Variants in CFAP54 observed in about 807,000 individuals in gnomAD.
The protein encoded by CFAP54 is cilia and flagella associated protein 54, also known as cilia- and flagella-associated protein 54.
A neutral mutation model predicts 370.4 loss-of-function variants in CFAP54; 290 were observed. That is an observed-to-expected ratio of 0.78 (90% CI 0.71 to 0.86). CFAP54 has a LOEUF of 0.86. CFAP54 is among the 40% of genes least tolerant of loss of function. The probability of loss-of-function intolerance (pLI) is 0.00; values close to 1 mark genes in which losing one functional copy is unlikely to be tolerated. For synonymous variants in CFAP54, 1,206 were observed against 1,236.5 expected, an observed-to-expected ratio of 0.98 and a Z score of 0.52; for missense variants, 3,399 against 3,528.7, an observed-to-expected ratio of 0.96 and a Z score of 0.93.
intron 67 of CFAP54, among the ~76,000 whole-genome samples, chr12:96,871,104 A>T (rs994473603): frequency 2.4e-4 from 36 of 152,172 alleles, no homozygotes; most frequent in African/African-American, 8.2e-4. Flanking sequence ...GGAGCCCTAA[A>T]ATCTGTGCAC....
In CFAP54 at chr12:96,739,619, C is replaced by T. The variant is rs182669725; in HGVS notation, c.6966-337C>T. Among the ~76,000 whole-genome samples the T allele has an allele frequency of 9.9e-4, 150 of 152,168 alleles. 2 individuals are homozygous for T. Among genetic ancestry groups the T allele is most frequent in the Admixed American group, 1.4e-3 (21 of 15,286 alleles). ...ATTGCCAATACATTTTGTTTTGGAT[C>T]TTGGAAACGTCACTCCTTTATTCTT... On this transcript the variant is annotated intron_variant, in intron 50 of 67. Transcript: ENST00000524981.
intron 38 of CFAP54, among the ~76,000 whole-genome samples, chr12:96,659,373 A>G (rs1956964195): frequency 6.6e-6 from 1 of 152,084 alleles, no homozygotes; most frequent in South Asian, 2.1e-4. Context: ...ACCTCAAGTG[A>G]TCCTCCCACC....
intron 44 of CFAP54, among the ~76,000 whole-genome samples, chr12:96,691,943 T>C (rs1460146346): frequency 6.6e-6 from 1 of 152,148 alleles, no homozygotes; most frequent in Non-Finnish European, 1.5e-5. Flanking sequence ...CATTATTTCA[T>C]CTTTTTTCTT....
At chr12:96,806,748 A>G (rs896391250) in intron 63 of CFAP54, among the ~76,000 whole-genome samples, 9 of 152,290 alleles carry the variant, frequency 5.9e-5, no homozygotes, top group African/African-American at 2.2e-4. Flanking sequence ...CAGGTTGACC[A>G]TGCAATTAGC....
chr12:96,746,227 A>C (rs1201416485), intron 55 of CFAP54, among the ~76,000 whole-genome samples: 1 of 152,188 alleles, frequency 6.6e-6, no homozygotes, highest in Non-Finnish European at 1.5e-5. Context: ...ATTTTCAAAT[A>C]TCCACCAGTA....
intron 23 of CFAP54, among the ~76,000 whole-genome samples, chr12:96,592,043 A>G (rs953196262): frequency 6.6e-6 from 1 of 152,130 alleles, no homozygotes; most frequent in African/African-American, 2.4e-5. Context: ...TAGTGGCTAA[A>G]GATTCCATTT....
chr12:96,573,311 G>A (rs965245205), intron 19 of CFAP54, among the ~76,000 whole-genome samples: 2 of 152,158 alleles, frequency 1.3e-5, no homozygotes, highest in African/African-American at 2.4e-5. Context: ...ATATAATAGC[G>A]TTTTATCTCC....
intron 65 of CFAP54, among the ~76,000 whole-genome samples, chr12:96,827,976 AT>A (rs1959142351): frequency 3.6e-5 from 2 of 55,828 alleles, no homozygotes; most frequent in Non-Finnish European, 8.7e-5. Flanking sequence ...ATAGTAATAT[AT>A]TATATTATAT....
intron 67 of CFAP54, among the ~76,000 whole-genome samples, chr12:96,874,646 T>TTTTTG: frequency 9.6e-6 from 1 of 103,722 alleles, no homozygotes; most frequent in African/African-American, 3.7e-5. Flanking sequence ...TTTTTTTTTT[T>TTTTTG]TGAGACGGAG....
chr12:96,646,039 G>T (rs1378240795), intron 33 of CFAP54: 1 of 152,034 alleles, frequency 6.6e-6, no homozygotes, highest in African/African-American at 2.4e-5. Context: ...CATAGGCATG[G>T]GCAAGGACTT....
chr12:96,722,636 T>C (rs1957771311), intron 50 of CFAP54, among the ~76,000 whole-genome samples: 1 of 152,132 alleles, frequency 6.6e-6, no homozygotes, highest in Non-Finnish European at 1.5e-5. Context: ...CTGATTTTCA[T>C]TGTAAAGGGT....
At chr12:96,522,730 C>A (rs1376318342) in intron 8 of CFAP54, among the ~76,000 whole-genome samples, 1 of 152,190 alleles carries the variant, frequency 6.6e-6, no homozygotes, top group African/African-American at 2.4e-5. Flanking sequence ...CTCTGCCTTA[C>A]AAAAGCTGCT....
At position 96,489,732 on chromosome 12, in the gene CFAP54, C is replaced by T; in HGVS notation, c.123C>T (p.Ser41=). The T allele has an allele frequency of 6.5e-7, 1 of 1,536,120 alleles. No homozygotes were observed. Among genetic ancestry groups the T allele is most frequent in the South Asian group, 1.2e-5 (1 of 84,064 alleles). The change falls in exon 1 of 68, where the codon AGC becomes AGT. Residue 41 remains serine (S), a synonymous_variant. Coordinates refer to ENST00000524981, the MANE Select transcript of CFAP54 (RefSeq NM_001306084.2). ...GGTCGCCCCCAGAGTCGAAGGGGAGCTCCCGGAGCTCGCTGCTTCAGTGGA... is the reference window on the plus strand; with the variant it reads ...GGTCGCCCCCAGAGTCGAAGGGGAGTTCCCGGAGCTCGCTGCTTCAGTGGA... ...TSRSPPESKG[S]SRSSLLQWTC... is the part of the protein sequence containing the mutation.
chr12:96,679,546 C>G, intron 39 of CFAP54, 54 bp from the exon 40 acceptor site: 1 of 1,537,050 alleles, frequency 6.5e-7, no homozygotes, highest in South Asian at 1.3e-5. Flanking sequence ...CTGGCTCTTA[C>G]CTTGGCTTGG....
At position 96,522,112 on chromosome 12, in the gene CFAP54, G is replaced by C; in HGVS notation, c.1081G>C (p.Gly361Arg). 1 of 1,535,544 alleles carries C rather than the reference G, an allele frequency of 6.5e-7. No individual in the cohort carries two copies. Among genetic ancestry groups the C allele is most frequent in the Non-Finnish European group, 8.7e-7 (1 of 1,146,748 alleles). ...GATGGCAGTGATGATCTTCAAAAGA[G>C]GAGTCTTTGAATCTAGAAGAAAAAA... ...MKMAVMIFKR[G>R]VFESRRKNKA... The change falls in exon 8 of 68, where the codon GGA becomes CGA. Residue 361 changes from glycine to arginine, a missense_variant. Physicochemically the swap from Gly to Arg is moderately radical, Grantham distance 125. Around this residue, in one of 3 missense-constraint regions of CFAP54, gnomAD observed 559 missense variants for 576.7 expected, o/e 0.97. Coordinates refer to ENST00000524981, the MANE Select transcript of CFAP54 (RefSeq NM_001306084.2).
chr12:96,574,465 TA>T (rs1167634868), intron 19 of CFAP54, among the ~76,000 whole-genome samples: 3 of 152,134 alleles, frequency 2.0e-5, no homozygotes, highest in African/African-American at 7.2e-5. Flanking sequence ...CTCTTAGCAC[TA>T]AGAGTCCTAT....
Position 96,654,567 on chromosome 12 carries a change from C to T in CFAP54, c.5100+2752C>T, listed in dbSNP as rs534054773. Among the ~76,000 whole-genome samples, 5 of 151,880 alleles carry T rather than the reference C, an allele frequency of 3.3e-5. No homozygotes were observed. In the South Asian group the frequency reaches 8.3e-4, roughly 25 times the overall value. The stretch of plus-strand genomic sequence containing the variant: ...TTATATGCATACAATGGGTTGTGAT[C>T]AAGCCAGGGTATTCAGGGTGCCCAT... On this transcript the variant is annotated intron_variant, in intron 36 of 67. Coordinates refer to ENST00000524981, the MANE Select transcript of CFAP54 (RefSeq NM_001306084.2).
At position 96,720,485 on chromosome 12, in the gene CFAP54, C is replaced by T. The variant is rs754108382; in HGVS notation, c.6885C>T (p.Ser2295=). 3.4e-5 allele frequency: 55 copies of T among 1,604,212 alleles called. 1 individual carries two copies. In the South Asian group the frequency reaches 4.2e-4, roughly 12 times the overall value. Residue 2295 remains serine, a synonymous_variant, in exon 50 of 68, where the codon TCC becomes TCT. Coordinates refer to ENST00000524981, the MANE Select transcript of CFAP54 (RefSeq NM_001306084.2). ...AACAGAAGACCCTGTCTCAGTGCTC[C>T]GCTGGCGAGCTGGAGATTGTGGTGG... The part of the protein sequence containing the change: ...EVEQKTLSQC[S]AGELEIVVEA...
intron 38 of CFAP54, among the ~76,000 whole-genome samples, chr12:96,659,878 A>T (rs1956972918): frequency 6.6e-6 from 1 of 152,200 alleles, no homozygotes; most frequent in South Asian, 2.1e-4. Flanking sequence ...TTCTTCTCAC[A>T]AAGTTTCCTT....
Sources: gnomAD v4.1 joint callset for allele counts (sites outside exome capture counted in the v4.1 genomes callset) on GRCh38, gnomAD v4.1.1 for gene constraint, gnomAD v4.1.1 regional missense constraint, MANE v1.5 for transcripts, NCBI Gene and HGNC (gene_info 2026-07-23, HGNC 2026-07-21) for gene names.